The following CYSLTR2 variants were observed in gnomAD, a reference collection of about 807,000 sequenced individuals.
CYSLTR2 encodes G-protein coupled receptor GPCR21.
For synonymous variants in CYSLTR2, 179 were observed against 160.8 expected, an observed-to-expected ratio of 1.11 and a Z score of -0.86; for missense variants, 398 against 411.9, an observed-to-expected ratio of 0.97 and a Z score of 0.29.
At chr13:48,693,033 A>C (rs1954076311) in intron 2 of CYSLTR2, among the ~76,000 whole-genome samples, 2 of 151,840 alleles carry the variant, frequency 1.3e-5, no homozygotes, top group Admixed American at 1.3e-4. Flanking sequence ...TGAAACTTAT[A>C]ATTTGTAGCA....
At chr13:48,701,686 G>A (rs569505591) in intron 4 of CYSLTR2, among the ~76,000 whole-genome samples, 3 of 152,220 alleles carry the variant, frequency 2.0e-5, no homozygotes, top group South Asian at 2.1e-4. Flanking sequence ...GCCATCAGAG[G>A]AATGCAAATC....
chr13:48,710,395 T>A lies in CYSLTR2; in HGVS notation c.*2537T>A, dbSNP rs1954606261. 6.6e-6 allele frequency: 1 copy of A among 152,138 alleles called. No individual in the cohort carries two copies. The highest frequency in any genetic ancestry group is 1.5e-5 in the Non-Finnish European group (1 of 68,016). The allele number at this position is 152,138 out of a possible 1,614,324, so 9.4% of individuals were successfully genotyped here. On this transcript the variant is annotated 3_prime_UTR_variant, in exon 5 of 5. Coordinates refer to ENST00000682523, the MANE Select transcript of CYSLTR2 (RefSeq NM_001308476.3). ...CATGAGTCACTTAGTCATCATCCAG[T>A]TGCTCAGATCAACTGTTGTGGTATA...
At chr13:48,689,840 T>C (rs1317086185) in intron 1 of CYSLTR2, among the ~76,000 whole-genome samples, 1 of 152,234 alleles carries the variant, frequency 6.6e-6, no homozygotes, top group Non-Finnish European at 1.5e-5. Flanking sequence ...GTAAATTACT[T>C]TGGGCAGTAT....
intron 1 of CYSLTR2, among the ~76,000 whole-genome samples, chr13:48,655,337 A>G (rs1009978021): frequency 6.6e-6 from 1 of 152,196 alleles, no homozygotes; most frequent in Non-Finnish European, 1.5e-5. Flanking sequence ...CACAGCGAAG[A>G]TCGATGGGAT....
Position 48,707,649 on chromosome 13 carries a change from T to A in CYSLTR2, c.832T>A (p.Leu278Ile), listed in dbSNP as rs138722135. ...CCACTTGACGACATGGAAAGTGGGT[T>A]TATGCAAAGACAGACTGCATAAAGC... The part of the protein sequence containing the change: ...TVHLTTWKVG[L>I]CKDRLHKALV... The change falls in exon 5 of 5, where the codon TTA becomes ATA. Residue 278 changes from leucine to isoleucine, a missense_variant. Physicochemically the swap from Leu to Ile is conservative, Grantham distance 5. Coordinates refer to ENST00000682523, the MANE Select transcript of CYSLTR2 (RefSeq NM_001308476.3). 6.2e-3 allele frequency: 9,960 copies of A among 1,614,022 alleles called. 48 individuals are homozygous for A. The highest frequency in any genetic ancestry group is 0.016 in the Middle Eastern group (99 of 6,060).
At chr13:48,669,765 T>A (rs552498398) in intron 1 of CYSLTR2, among the ~76,000 whole-genome samples, 2 of 152,362 alleles carry the variant, frequency 1.3e-5, no homozygotes, top group African/African-American at 4.8e-5. Flanking sequence ...TATAGTACAA[T>A]GATTTATAAT....
chr13:48,684,186 C>T (rs1441576001), intron 1 of CYSLTR2, among the ~76,000 whole-genome samples: 1 of 152,046 alleles, frequency 6.6e-6, no homozygotes, highest in African/African-American at 2.4e-5. Flanking sequence ...ACCTTGGCCT[C>T]CCAAAATGCT....
At chr13:48,682,556 G>C (rs1953784804) in intron 1 of CYSLTR2, among the ~76,000 whole-genome samples, 2 of 152,078 alleles carry the variant, frequency 1.3e-5, no homozygotes, top group East Asian at 3.9e-4. Flanking sequence ...CAAAACGAGA[G>C]AGCCATTATC....
At chr13:48,685,748 C>T (rs772718897) in intron 1 of CYSLTR2, among the ~76,000 whole-genome samples, 2 of 152,128 alleles carry the variant, frequency 1.3e-5, no homozygotes, top group Non-Finnish European at 2.9e-5. Flanking sequence ...AGATAAATGA[C>T]ATCTTCTAGA....
chr13:48,667,005 C>T (rs1335632905), intron 1 of CYSLTR2, among the ~76,000 whole-genome samples: 1 of 152,186 alleles, frequency 6.6e-6, no homozygotes, highest in Non-Finnish European at 1.5e-5. Flanking sequence ...GATTTCTACA[C>T]ATCTGGTGGA....
rs540518184 is a variant in CYSLTR2 at position 48,670,812 on chromosome 13, A to G, written c.-266+16795A>G. ...TAAAGTAGTTTTTTCTAATTATTTG[A>G]AAAAAGTCAGTGGTAGCTTGATGGG... On this transcript the variant is annotated intron_variant, in intron 1 of 4. Coordinates refer to ENST00000682523, the MANE Select transcript of CYSLTR2 (RefSeq NM_001308476.3). 2.6e-5 allele frequency among the ~76,000 whole-genome samples: 4 copies of G among 152,286 alleles called. No homozygotes were observed. The South Asian group carries it at 8.3e-4, about 32-fold the overall frequency.
chr13:48,706,958 A>G lies in CYSLTR2; in HGVS notation c.141A>G (p.Ile47Met). ...AATTTTTCCCAATTGTATATCTGAT[A>G]ATATTTTTCTGGGGAGTCTTGGGAA... ...KREFFPIVYL[I>M]IFFWGVLGNG... Residue 47 changes from isoleucine to methionine, a missense_variant, in exon 5 of 5, where the codon ATA becomes ATG. Ile to Met is a conservative substitution (Grantham distance 10). Coordinates refer to ENST00000682523, the MANE Select transcript of CYSLTR2 (RefSeq NM_001308476.3). 6.2e-7 allele frequency: 1 copy of G among 1,614,178 alleles called. No individual in the cohort carries two copies.
intron 4 of CYSLTR2, among the ~76,000 whole-genome samples, chr13:48,702,963 A>C (rs1954388681): frequency 6.6e-6 from 1 of 152,076 alleles, no homozygotes; most frequent in African/African-American, 2.4e-5. Flanking sequence ...GATTTCTTTC[A>C]CCAATAATTT....
chr13:48,664,576 A>G (rs1953213133), intron 1 of CYSLTR2, among the ~76,000 whole-genome samples: 1 of 151,872 alleles, frequency 6.6e-6, no homozygotes, highest in South Asian at 2.1e-4. Context: ...CTAGGAATTT[A>G]CCCATTTCCT....
chr13:48,690,619 G>A (rs1460286288), intron 1 of CYSLTR2, among the ~76,000 whole-genome samples: 2 of 152,140 alleles, frequency 1.3e-5, no homozygotes, highest in Non-Finnish European at 2.9e-5. Context: ...GGATCGTAAT[G>A]TATAAGCTTT....
chr13:48,672,487 C>T (rs1040842076), intron 1 of CYSLTR2, among the ~76,000 whole-genome samples: 5 of 151,998 alleles, frequency 3.3e-5, no homozygotes, highest in Non-Finnish European at 7.4e-5. Context: ...TGTCTTTGTT[C>T]TCATTGGTTT....
At chr13:48,666,714 T>A (rs1035083310) in intron 1 of CYSLTR2, among the ~76,000 whole-genome samples, 1 of 152,182 alleles carries the variant, frequency 6.6e-6, no homozygotes, top group Non-Finnish European at 1.5e-5. Flanking sequence ...TTTCATTCAA[T>A]GAATTCTTCA....
At chr13:48,705,996 G>GTTTTTTTTTTTTTTTTTTTTTTTT (rs368909553) in intron 4 of CYSLTR2, among the ~76,000 whole-genome samples, 3 of 128,588 alleles carry the variant, frequency 2.3e-5, no homozygotes, top group Non-Finnish European at 3.2e-5. Flanking sequence ...TTGTTTTGTT[G>GTTTTTTTTTTTTTTTTTTTTTTTT]TTGTTTTTTT....
intron 1 of CYSLTR2, among the ~76,000 whole-genome samples, chr13:48,668,224 GC>G (rs2138838975): frequency 6.6e-6 from 1 of 151,750 alleles, no homozygotes; most frequent in South Asian, 2.1e-4. Context: ...TTATACAAGT[GC>G]CATAGGGATA....
Sources: allele counts gnomAD v4.1 joint callset (sites outside exome capture counted in the v4.1 genomes callset), GRCh38; gene constraint gnomAD v4.1.1; transcripts MANE v1.5; gene names NCBI Gene and HGNC (gene_info 2026-07-23, HGNC 2026-07-21).